The following TIAM1 variants were observed in gnomAD, a reference collection of about 807,000 sequenced individuals.
TIAM1 encodes the protein TIAM Rac1 associated GEF 1, also known as rho guanine nucleotide exchange factor TIAM1.
A neutral mutation model predicts 163.5 loss-of-function variants in TIAM1; 65 were observed. The ratio of observed to expected loss-of-function variants is 0.40; its 90% confidence interval spans 0.33 to 0.49. The LOEUF (loss-of-function observed/expected upper bound fraction) is 0.49, where lower values mean the gene tolerates loss of function less well. Ranked by LOEUF, TIAM1 falls within the 20% of genes least tolerant of loss-of-function variation. The pLI is 0.77. For synonymous variants in TIAM1, 833 were observed against 810.1 expected, an observed-to-expected ratio of 1.03 and a Z score of -0.48; for missense variants, 1,789 against 2,044.7, an observed-to-expected ratio of 0.87 and a Z score of 2.41.
chr21:31,540,622 G>C (rs975041252), intron 1 of TIAM1, among the ~76,000 whole-genome samples: 2 of 152,086 alleles, frequency 1.3e-5, no homozygotes, highest in Admixed American at 1.3e-4. Context: ...TTAAACTTCT[G>C]GTTCATAAAA....
chr21:31,124,702 A>C lies in TIAM1; in HGVS notation c.4134-8T>G. On this transcript the variant is annotated splice_region_variant and splice_polypyrimidine_tract_variant and intron_variant, in intron 26 of 27. Transcript: ENST00000541036. ...TTTCGGCTCTCTGGGGAGCTAGGAA[A>C]AGAAGATTTACAGATGTTAGAGAAT... 6.4e-7 allele frequency: 1 copy of C among 1,557,102 alleles called. No homozygotes were observed. Among genetic ancestry groups the C allele is most frequent in the Non-Finnish European group, 8.7e-7 (1 of 1,151,612 alleles).
upstream of TIAM1, among the ~76,000 whole-genome samples, chr21:31,345,066 A>C (rs561941282): frequency 3.4e-4 from 52 of 152,218 alleles, no homozygotes; most frequent in Middle Eastern, 3.2e-3. Context: ...AAAACTTTAA[A>C]TGACCTCAGG....
intron 1 of TIAM1, among the ~76,000 whole-genome samples, chr21:31,470,290 C>T (rs533193014): frequency 1.8e-4 from 28 of 151,834 alleles, no homozygotes; most frequent in African/African-American, 6.3e-4. Context: ...CAGGTGTGAG[C>T]TCCCACGCCA....
intron 2 of TIAM1, among the ~76,000 whole-genome samples, chr21:31,414,503 G>A (rs1012720837): frequency 8.6e-5 from 13 of 152,046 alleles, no homozygotes; most frequent in African/African-American, 1.9e-4. Context: ...TGGGAGCAAC[G>A]GCCCCTTTCT....
intron 2 of TIAM1, among the ~76,000 whole-genome samples, chr21:31,372,134 G>A (rs544713090): frequency 1.9e-3 from 288 of 152,264 alleles, no homozygotes; most frequent in Admixed American, 3.5e-3. Context: ...CACCTCATGG[G>A]CTGGCACATC....
intron 1 of TIAM1, among the ~76,000 whole-genome samples, chr21:31,469,846 CAAAA>C (rs10575349): frequency 3.3e-5 from 5 of 150,236 alleles, no homozygotes; most frequent in Non-Finnish European, 7.4e-5. Flanking sequence ...AACAAACAAA[CAAAA>C]AAAAAATCAA....
At chr21:31,197,810 A>T (rs2085955804) in intron 12 of TIAM1, among the ~76,000 whole-genome samples, 2 of 152,176 alleles carry the variant, frequency 1.3e-5, no homozygotes, top group Admixed American at 1.3e-4. Context: ...CCTAAAGAGA[A>T]AGTACTTTCC....
At chr21:31,508,671 T>A (rs1209392515) in intron 1 of TIAM1, among the ~76,000 whole-genome samples, 3 of 152,160 alleles carry the variant, frequency 2.0e-5, no homozygotes, top group African/African-American at 4.8e-5. Context: ...ATTACAGGCA[T>A]AAACCACCGC....
intron 4 of TIAM1, among the ~76,000 whole-genome samples, chr21:31,253,397 T>C (rs930761022): frequency 6.6e-6 from 1 of 152,170 alleles, no homozygotes; most frequent in Non-Finnish European, 1.5e-5. Flanking sequence ...TGCTCTGGGC[T>C]CCTATCTTTG....
In TIAM1 at chr21:31,298,788, A is replaced by AG. The variant is rs1569183599; in HGVS notation, c.-188-21881_-188-21880insC. Among the ~76,000 whole-genome samples, 6 of 118,162 alleles carry AG rather than the reference A, an allele frequency of 5.1e-5. No homozygotes were observed. In the East Asian group the frequency reaches 8.9e-4, roughly 17 times the overall value. The allele number at this position is 118,162 out of a possible 152,430, so 77.5% of individuals were successfully genotyped here. ...TGTGTGAGAAACAGAGAGAGAGAGA[A>AG]AAAAAAACAATGAGAGAGAGAGAGA... On this transcript the variant is annotated intron_variant, in intron 2 of 27. Coordinates refer to ENST00000541036, the MANE Select transcript of TIAM1 (RefSeq NM_001353694.2).
At chr21:31,535,380 CAAAAAAAAAAAAAAAA>C (rs59742048) in intron 1 of TIAM1, among the ~76,000 whole-genome samples, 7 of 54,280 alleles carry the variant, frequency 1.3e-4, no homozygotes, top group African/African-American at 2.9e-4. Flanking sequence ...GGCTCCATCT[CAAAAAAAAAAAAAAAA>C]AAAAAAAAAA....
chr21:31,401,735 C>T (rs1316434021), intron 2 of TIAM1, among the ~76,000 whole-genome samples: 1 of 151,560 alleles, frequency 6.6e-6, no homozygotes, highest in East Asian at 1.9e-4. Context: ...CCAGCGAGAC[C>T]CCATCTCTAC....
chr21:31,373,006 G>C (rs1783004), intron 2 of TIAM1, among the ~76,000 whole-genome samples: 3 of 143,106 alleles, frequency 2.1e-5, no homozygotes, highest in Non-Finnish European at 4.5e-5. Flanking sequence ...GGTGAGCCGA[G>C]ATTGCACCAT....
At chr21:31,544,502 C>T (rs2048424864) in intron 1 of TIAM1, among the ~76,000 whole-genome samples, 1 of 152,002 alleles carries the variant, frequency 6.6e-6, no homozygotes, top group Non-Finnish European at 1.5e-5. Flanking sequence ...ATGGTGGGCG[C>T]CTGTAATCCC....
At chr21:31,327,059 T>C (rs2075512626) in intron 2 of TIAM1, among the ~76,000 whole-genome samples, 1 of 152,160 alleles carries the variant, frequency 6.6e-6, no homozygotes, top group Non-Finnish European at 1.5e-5. Context: ...ATATGACAAA[T>C]GGTTCACTTA....
At chr21:31,406,903 A>G (rs954000100) in intron 2 of TIAM1, among the ~76,000 whole-genome samples, 3 of 152,192 alleles carry the variant, frequency 2.0e-5, no homozygotes, top group Non-Finnish European at 4.4e-5. Context: ...AGATCACTCT[A>G]TTAAAACACC....
chr21:31,316,084 T>C (rs1160922999), intron 2 of TIAM1, among the ~76,000 whole-genome samples: 3 of 152,148 alleles, frequency 2.0e-5, no homozygotes, highest in Admixed American at 6.5e-5. Flanking sequence ...CTTCTACATA[T>C]TGAGTGCCTA....
chr21:31,159,612 A>G (rs2083802496), intron 16 of TIAM1, among the ~76,000 whole-genome samples: 3 of 152,222 alleles, frequency 2.0e-5, no homozygotes, highest in African/African-American at 7.2e-5. Context: ...TAATCCCTAC[A>G]GTTCTCGATC....
Position 31,332,541 on chromosome 21 carries a change from T to A in TIAM1, c.-189+6702A>T, listed in dbSNP as rs76402991. Reference sequence around the variant, plus strand: ...ACTAACTAGCAAATAATGATAATCATTTTGTTTAAACATACATGACTGAGC... The same window carrying A: ...ACTAACTAGCAAATAATGATAATCAATTTGTTTAAACATACATGACTGAGC... On this transcript the variant is annotated intron_variant, in intron 2 of 27. Transcript: ENST00000541036. Among the ~76,000 whole-genome samples the A allele has an allele frequency of 1.5e-3, 226 of 152,256 alleles. 2 individuals carry two copies. Among genetic ancestry groups the A allele is most frequent in the African/African-American group, 5.1e-3 (214 of 41,560 alleles).
Sources: allele counts gnomAD v4.1 joint callset (sites outside exome capture counted in the v4.1 genomes callset), GRCh38; gene constraint gnomAD v4.1.1; transcripts MANE v1.5; gene names NCBI Gene and HGNC (gene_info 2026-07-23, HGNC 2026-07-21).